The following TBC1D22A variants were observed in gnomAD, a reference collection of about 807,000 sequenced individuals.
TBC1D22A encodes the protein TBC1 domain family member 22A.
In TBC1D22A, 38 loss-of-function variants were observed where a neutral mutation model predicts 60.2. The observed-to-expected ratio is 0.63, with a 90% confidence interval of 0.49 to 0.83. TBC1D22A has a LOEUF of 0.83. Ranked by LOEUF, TBC1D22A falls within the 40% of genes least tolerant of loss-of-function variation. The probability of loss-of-function intolerance (pLI) is 0.00; values close to 1 mark genes in which losing one functional copy is unlikely to be tolerated. For synonymous variants in TBC1D22A, 302 were observed against 281.7 expected (o/e 1.07, Z -0.72); for missense variants, 628 against 701.0 (o/e 0.90, Z 1.18).
chr22:47,051,203 G>A (rs188604986), intron 11 of TBC1D22A, among the ~76,000 whole-genome samples: 120 of 152,282 alleles, frequency 7.9e-4, no homozygotes, highest in Non-Finnish European at 1.4e-3. Flanking sequence ...CTCAGCTTCA[G>A]CAGAACATTC....
chr22:47,086,248 T>C (rs1178747902), intron 11 of TBC1D22A, among the ~76,000 whole-genome samples: 1 of 152,206 alleles, frequency 6.6e-6, no homozygotes, highest in Middle Eastern at 3.2e-3. Flanking sequence ...GCGGATCATC[T>C]GAGGTCGGGA....
intron 10 of TBC1D22A, among the ~76,000 whole-genome samples, chr22:47,010,160 A>C (rs1342462154): frequency 1.3e-5 from 2 of 152,224 alleles, no homozygotes; most frequent in African/African-American, 2.4e-5. Flanking sequence ...ACTACCTCGT[A>C]AGGTTAAAAT....
At chr22:46,970,875 G>C (rs1042752727) in intron 8 of TBC1D22A, among the ~76,000 whole-genome samples, 22 of 152,112 alleles carry the variant, frequency 1.4e-4, no homozygotes, top group Admixed American at 2.6e-4. Context: ...GGTGGCCTTG[G>C]ACCTTCCCAG....
chr22:47,171,991 G>A (rs1157197803), intron 12 of TBC1D22A, among the ~76,000 whole-genome samples: 1 of 143,894 alleles, frequency 6.9e-6, no homozygotes, highest in Non-Finnish European at 1.5e-5. Context: ...CCTGCCCAGT[G>A]CGCCCGGTGA....
At chr22:47,045,600 G>T (rs1289418161) in intron 11 of TBC1D22A, among the ~76,000 whole-genome samples, 1 of 152,258 alleles carries the variant, frequency 6.6e-6, no homozygotes, top group Non-Finnish European at 1.5e-5. Flanking sequence ...AGAACGGGCA[G>T]TGTTGTTAGC....
intron 11 of TBC1D22A, among the ~76,000 whole-genome samples, chr22:47,107,605 C>T (rs2065685140): frequency 6.6e-6 from 1 of 152,214 alleles, no homozygotes; most frequent in Non-Finnish European, 1.5e-5. Context: ...AGAGCTATAT[C>T]ATGGTCATGA....
intron 7 of TBC1D22A, among the ~76,000 whole-genome samples, chr22:46,909,797 G>C (rs898643992): frequency 6.6e-6 from 1 of 152,132 alleles, no homozygotes; most frequent in Non-Finnish European, 1.5e-5. Flanking sequence ...CTGCCTTCAG[G>C]GACCCAGCCT....
At chr22:47,159,324 CAT>C (rs754161783) in intron 12 of TBC1D22A, among the ~76,000 whole-genome samples, 39 of 77,146 alleles carry the variant, frequency 5.1e-4, no homozygotes, top group Middle Eastern at 5.6e-3. Context: ...CATACACACA[CAT>C]GTATACACAC....
chr22:46,817,913 G>A (rs2085671791), intron 4 of TBC1D22A, among the ~76,000 whole-genome samples: 1 of 152,190 alleles, frequency 6.6e-6, no homozygotes, highest in African/African-American at 2.4e-5. Flanking sequence ...AGCCTCACCA[G>A]CATCTGTTGT....
At chr22:46,898,932 G>A (rs1031669533) in intron 7 of TBC1D22A, among the ~76,000 whole-genome samples, 1 of 152,114 alleles carries the variant, frequency 6.6e-6, no homozygotes, top group Non-Finnish European at 1.5e-5. Context: ...CTCTGCAGTG[G>A]GTCTTGCTCA....
chr22:47,047,946 G>T (rs1291871677), intron 11 of TBC1D22A, among the ~76,000 whole-genome samples: 5 of 152,234 alleles, frequency 3.3e-5, no homozygotes, highest in African/African-American at 1.2e-4. Flanking sequence ...CAGCCCGGAA[G>T]CCAAGGGCAG....
intron 12 of TBC1D22A, among the ~76,000 whole-genome samples, chr22:47,119,520 G>A (rs113010883): frequency 0.029 from 4,325 of 147,296 alleles, 218 homozygotes; most frequent in African/African-American, 0.1. Flanking sequence ...TTTTTGAGAC[G>A]AAGTCTCACA....
intron 4 of TBC1D22A, among the ~76,000 whole-genome samples, chr22:46,854,485 A>T (rs2087463860): frequency 6.6e-6 from 1 of 151,708 alleles, no homozygotes; most frequent in Non-Finnish European, 1.5e-5. Flanking sequence ...ATGTTTGGTC[A>T]TTGTCATTTT....
At chr22:46,915,247 C>A in intron 8 of TBC1D22A, 1 of 365,208 alleles carries the variant, frequency 2.7e-6, no homozygotes, top group Non-Finnish European at 5.4e-6. Context: ...GACCAGGGAC[C>A]CGCAGGGTCC....
chr22:46,881,085 C>T (rs561900969), intron 5 of TBC1D22A, among the ~76,000 whole-genome samples: 1 of 152,084 alleles, frequency 6.6e-6, no homozygotes, highest in African/African-American at 2.4e-5. Flanking sequence ...GGAACACAGG[C>T]TGGGGTAGAG....
At chr22:47,029,458 G>A (rs1007213121) in intron 10 of TBC1D22A, among the ~76,000 whole-genome samples, 2 of 152,154 alleles carry the variant, frequency 1.3e-5, no homozygotes, top group African/African-American at 2.4e-5. Context: ...ATGACTGAAC[G>A]GGGGCCGCCT....
At chr22:46,920,638 C>T (rs1223308089) in intron 8 of TBC1D22A, among the ~76,000 whole-genome samples, 1 of 152,026 alleles carries the variant, frequency 6.6e-6, no homozygotes, top group African/African-American at 2.4e-5. Flanking sequence ...AGAGAAGCTT[C>T]GTGGATTAGA....
intron 11 of TBC1D22A, among the ~76,000 whole-genome samples, chr22:47,039,824 C>T (rs917860977): frequency 1.1e-4 from 16 of 151,308 alleles, no homozygotes; most frequent in East Asian, 5.8e-4. Flanking sequence ...GGCATCTGCT[C>T]GGCTTCTGAG....
chr22:47,031,705 C>G (rs1400259955), intron 10 of TBC1D22A, among the ~76,000 whole-genome samples: 1 of 152,146 alleles, frequency 6.6e-6, no homozygotes, highest in African/African-American at 2.4e-5. Context: ...CACCTTTGGA[C>G]AGGTCCCCTC....
Sources: allele counts gnomAD v4.1 joint callset (sites outside exome capture counted in the v4.1 genomes callset), GRCh38; gene constraint gnomAD v4.1.1; transcripts MANE v1.5; gene names NCBI Gene and HGNC (gene_info 2026-07-23, HGNC 2026-07-21).